Variants in ARHGEF33 observed in about 807,000 individuals in gnomAD.
The protein encoded by ARHGEF33 is DH and coiled-coil domain-containing protein ENSP00000381780.
Under a neutral mutation model 101.9 loss-of-function variants are expected in ARHGEF33, and 72 were observed. The observed-to-expected ratio is 0.71, with a 90% confidence interval of 0.58 to 0.86. ARHGEF33 has a LOEUF of 0.86. ARHGEF33 is among the 40% of genes least tolerant of loss of function. The pLI is 0.00. For synonymous variants in ARHGEF33, 499 were observed against 442.5 expected, an observed-to-expected ratio of 1.13 and a Z score of -1.60; for missense variants, 1,169 against 1,111.3, an observed-to-expected ratio of 1.05 and a Z score of -0.74.
intron 2 of ARHGEF33, among the ~76,000 whole-genome samples, chr2:38,897,771 T>A (rs898573932): frequency 5.3e-5 from 8 of 152,118 alleles, no homozygotes; most frequent in Non-Finnish European, 1.2e-4. Context: ...CTCTCCTGGG[T>A]CATATCAAGA....
At chr2:38,902,479 C>G (rs937861787) in intron 2 of ARHGEF33, among the ~76,000 whole-genome samples, 1 of 152,224 alleles carries the variant, frequency 6.6e-6, no homozygotes, top group African/African-American at 2.4e-5. Context: ...AGCCAAGTCA[C>G]TTATCCTCTC....
chr2:38,969,507 C>T (rs918674146), intron 17 of ARHGEF33: 7 of 169,220 alleles, frequency 4.1e-5, no homozygotes, highest in African/African-American at 1.7e-4. Flanking sequence ...GGTTCTCTTC[C>T]CTCTGAGGCT....
intron 17 of ARHGEF33, among the ~76,000 whole-genome samples, chr2:38,972,806 A>G (rs1668193964): frequency 6.6e-6 from 1 of 152,202 alleles, no homozygotes; most frequent in African/African-American, 2.4e-5. Flanking sequence ...GCCTCAGCAT[A>G]TGGAGAACTT....
intron 10 of ARHGEF33, among the ~76,000 whole-genome samples, chr2:38,948,498 C>A (rs891714597): frequency 6.9e-6 from 1 of 144,090 alleles, no homozygotes; most frequent in Admixed American, 7.3e-5. Flanking sequence ...CACAGTGTAG[C>A]AGAATGCAGC....
chr2:38,894,650 C>A (rs1666081331), intron 1 of ARHGEF33, among the ~76,000 whole-genome samples: 1 of 152,220 alleles, frequency 6.6e-6, no homozygotes, highest in East Asian at 1.9e-4. Flanking sequence ...ACCTATCTCA[C>A]TGATGTTCAG....
rs533038129 is a variant in ARHGEF33, at chr2:38,914,102, A to C, written c.-85-5261A>C. Among the ~76,000 whole-genome samples, 20 of 152,332 alleles carry C rather than the reference A, an allele frequency of 1.3e-4. 1 individual carries two copies. In the South Asian group the frequency reaches 3.7e-3, roughly 28 times the overall value. Reference sequence around the variant, plus strand: ...ACAAGAACTAAAAATGTTAACATCCACTATTGGCTGGAATGCAGGAGAAAG... The same window carrying C: ...ACAAGAACTAAAAATGTTAACATCCCCTATTGGCTGGAATGCAGGAGAAAG... On this transcript the variant is annotated intron_variant, in intron 2 of 17. Coordinates refer to ENST00000409978, the MANE Select transcript of ARHGEF33 (RefSeq NM_001145451.5).
At chr2:38,905,954 G>A (rs932176335) in intron 2 of ARHGEF33, among the ~76,000 whole-genome samples, 1 of 152,118 alleles carries the variant, frequency 6.6e-6, no homozygotes, top group African/African-American at 2.4e-5. Context: ...TTTAAAAAAT[G>A]CTGAAGAAGC....
intron 2 of ARHGEF33, among the ~76,000 whole-genome samples, chr2:38,898,233 A>G (rs999195067): frequency 2.6e-5 from 4 of 152,232 alleles, no homozygotes; most frequent in Admixed American, 2.0e-4. Flanking sequence ...GCTAAAATCA[A>G]ATGGAATTGA....
At position 38,902,375 on chromosome 2, in the gene ARHGEF33, T is replaced by C. The variant is rs1666267948; in HGVS notation, c.-86+6526T>C. Among the ~76,000 whole-genome samples the C allele has an allele frequency of 2.6e-5, 4 of 152,194 alleles. No homozygotes were observed. In the South Asian group the frequency reaches 8.3e-4, roughly 32 times the overall value. ...CTGCCTCACTGAGATTAAAGACGTG[T>C]TATCCGATTCCATAATCACCATATG... On this transcript the variant is annotated intron_variant, in intron 2 of 17. Coordinates refer to ENST00000409978, the MANE Select transcript of ARHGEF33 (RefSeq NM_001145451.5).
intron 2 of ARHGEF33, among the ~76,000 whole-genome samples, chr2:38,909,737 T>G (rs555621221): frequency 1.4e-5 from 2 of 148,012 alleles, no homozygotes; most frequent in Non-Finnish European, 3.0e-5. Flanking sequence ...GTTGTGGGCA[T>G]AGAAAGCTGC....
intron 2 of ARHGEF33, among the ~76,000 whole-genome samples, chr2:38,902,599 A>G (rs1453367104): frequency 1.3e-5 from 2 of 152,106 alleles, no homozygotes; most frequent in Admixed American, 1.3e-4. Flanking sequence ...TTAGCTAAAT[A>G]TTGCAAGTAG....
chr2:38,966,215 ATAAT>A (rs1347195979), intron 17 of ARHGEF33, 70 bp downstream of exon 17: 1 of 1,506,862 alleles, frequency 6.6e-7, no homozygotes, highest in African/African-American at 1.4e-5. Flanking sequence ...GGTTTTAACA[ATAAT>A]AAGTATCAAG....
At chr2:38,958,682 TTGG>T (rs1667836350) in intron 15 of ARHGEF33, among the ~76,000 whole-genome samples, 2 of 149,648 alleles carry the variant, frequency 1.3e-5, no homozygotes, top group African/African-American at 5.0e-5. Flanking sequence ...GAGTAAGATA[TTGG>T]TTTTAGCATT....
intron 10 of ARHGEF33, among the ~76,000 whole-genome samples, chr2:38,944,533 G>A (rs1311491812): frequency 6.6e-6 from 1 of 152,056 alleles, no homozygotes; most frequent in Non-Finnish European, 1.5e-5. Context: ...GAATTTTGGG[G>A]GACACATTTA....
intron 15 of ARHGEF33, among the ~76,000 whole-genome samples, chr2:38,958,574 C>G (rs1369877394): frequency 6.6e-6 from 1 of 152,234 alleles, no homozygotes; most frequent in Non-Finnish European, 1.5e-5. Flanking sequence ...AACCCCCAAT[C>G]TTTCTTCCAA....
Position 38,973,716 on chromosome 2 carries a change from C to A in ARHGEF33, c.2486C>A (p.Ser829Tyr). Residue 829 changes from serine (S) to tyrosine (Y), a missense_variant and splice_region_variant, in exon 18 of 18, where the codon TCC becomes TAC. Physicochemically the swap from Ser to Tyr is moderately radical, Grantham distance 144. Coordinates refer to ENST00000409978, the MANE Select transcript of ARHGEF33 (RefSeq NM_001145451.5). ...SSFRKLFKKK[S>Y]SGSEYREKTN... ...TTATCTGTGTGCTGAGATTTTAGGT[C>A]CAGTGGATCAGAATACAGGGAAAAA... 1 of 1,529,798 alleles carries A rather than the reference C, an allele frequency of 6.5e-7. No homozygotes were observed. Among genetic ancestry groups the A allele is most frequent in the Non-Finnish European group, 8.8e-7 (1 of 1,136,842 alleles). 94.8% of individuals were successfully genotyped at this position (1,529,798 alleles called of 1,614,324 possible).
chr2:38,913,082 G>A, intron 2 of ARHGEF33, among the ~76,000 whole-genome samples: 1 of 150,290 alleles, frequency 6.7e-6, no homozygotes, highest in Admixed American at 6.7e-5. Flanking sequence ...TGTCACTCAG[G>A]CTGGAGTGCA....
At chr2:38,891,508 A>T (rs1665997997) in intron 1 of ARHGEF33, among the ~76,000 whole-genome samples, 1 of 152,100 alleles carries the variant, frequency 6.6e-6, no homozygotes, top group African/African-American at 2.4e-5. Flanking sequence ...CAAAAAAAAA[A>T]GTAAAATCAC....
chr2:38,959,653 G>A lies in ARHGEF33; in HGVS notation c.1536-188G>A. On this transcript the variant is annotated intron_variant, in intron 15 of 17. Coordinates refer to ENST00000409978, the MANE Select transcript of ARHGEF33 (RefSeq NM_001145451.5). ...CAATACCTTCGGGCCTCCGCTCGAC[G>A]GACTGCCTTGTCCACTCTCCGCCTG... is the stretch of plus-strand genomic sequence containing the variant. 1.3e-5 allele frequency: 8 copies of A among 602,414 alleles called. No homozygotes were observed. In the South Asian group the frequency reaches 1.7e-4, roughly 13 times the overall value. The allele number at this position is 602,414 out of a possible 1,614,324, so 37.3% of individuals were successfully genotyped here. A position where few individuals can be genotyped will look rare whatever the true frequency, so the allele number is the denominator to read the frequency against.
Sources: gnomAD v4.1 joint callset for allele counts (sites outside exome capture counted in the v4.1 genomes callset) on GRCh38, gnomAD v4.1.1 for gene constraint, MANE v1.5 for transcripts, NCBI Gene and HGNC (gene_info 2026-07-23, HGNC 2026-07-21) for gene names.